MYCBP2: variants seen among roughly 807,000 people sequenced by gnomAD.
MYCBP2 encodes MYC binding protein 2.
A neutral mutation model predicts 525.3 loss-of-function variants in MYCBP2; 120 were observed. The observed-to-expected ratio is 0.23, with a 90% CI of 0.20 to 0.27. MYCBP2 has a LOEUF of 0.27. Ranked by LOEUF, MYCBP2 falls within the 10% of genes least tolerant of loss-of-function variation. MYCBP2 has a pLI of 1.00. For synonymous variants in MYCBP2, 1,894 were observed against 1,955.8 expected (o/e 0.97, Z 0.83); for missense variants, 4,149 against 5,657.1 (o/e 0.73, Z 8.55).
chr13:77,185,078 C>T (rs1280382133), intron 32 of MYCBP2, 25 bp downstream of exon 32: 5 of 1,601,456 alleles, frequency 3.1e-6, no homozygotes, highest in Non-Finnish European at 4.3e-6. Context: ...AGATTTTCAA[C>T]TAACATTTTA....
chr13:77,066,603 T>C (rs530066499), intron 71 of MYCBP2, among the ~76,000 whole-genome samples: 35 of 152,340 alleles, frequency 2.3e-4, no homozygotes, highest in African/African-American at 7.9e-4. Flanking sequence ...CTTGCATATA[T>C]ACCTTGGTGC....
At chr13:77,250,217 C>T (rs772561491) in intron 15 of MYCBP2, among the ~76,000 whole-genome samples, 5 of 107,438 alleles carry the variant, frequency 4.7e-5, no homozygotes, top group Non-Finnish European at 9.2e-5. Context: ...AGCGAGACTC[C>T]GTCTCAAAAA....
chr13:77,206,989 CTA>C (rs996105370), intron 23 of MYCBP2, among the ~76,000 whole-genome samples, 164 bp from the exon 24 acceptor site: 3 of 152,026 alleles, frequency 2.0e-5, no homozygotes, highest in African/African-American at 7.2e-5. Flanking sequence ...TATAAAAAAA[CTA>C]TATCACTAAA....
At chr13:77,156,351 G>A (rs1002209732) in intron 45 of MYCBP2, 149 bp from the exon 46 acceptor site, 10 of 696,230 alleles carry the variant, frequency 1.4e-5, no homozygotes, top group Middle Eastern at 4.2e-4. Context: ...ATAATCATGA[G>A]TGTCTCCCTC....
At chr13:77,222,144 T>C (rs1255190398) in intron 20 of MYCBP2, among the ~76,000 whole-genome samples, 1 of 152,200 alleles carries the variant, frequency 6.6e-6, no homozygotes, top group Non-Finnish European at 1.5e-5. Context: ...CTGTAATTAC[T>C]ACCCAGATTC....
At chr13:77,185,688 T>C (rs2060651200) in intron 31 of MYCBP2, among the ~76,000 whole-genome samples, 183 bp downstream of exon 31, 1 of 152,220 alleles carries the variant, frequency 6.6e-6, no homozygotes, top group Non-Finnish European at 1.5e-5. Flanking sequence ...CAGAATGACA[T>C]GTAATCTATT....
intron 66 of MYCBP2, among the ~76,000 whole-genome samples, chr13:77,078,606 T>C (rs760703103): frequency 1.3e-5 from 2 of 152,146 alleles, no homozygotes; most frequent in Non-Finnish European, 2.9e-5. Flanking sequence ...TAATTGCTCA[T>C]GACTGGGGAA....
At chr13:77,215,477 T>C (rs2064690959) in intron 21 of MYCBP2, among the ~76,000 whole-genome samples, 1 of 152,202 alleles carries the variant, frequency 6.6e-6, no homozygotes, top group African/African-American at 2.4e-5. Context: ...TATATTGATA[T>C]TGTTGAGAGG....
intron 1 of MYCBP2, among the ~76,000 whole-genome samples, chr13:77,324,334 C>T (rs1421400574): frequency 6.6e-6 from 1 of 152,190 alleles, no homozygotes; most frequent in Admixed American, 6.5e-5. Flanking sequence ...GAGCTTCATT[C>T]TCTATTATTG....
chr13:77,093,369 G>A (rs2045739140), intron 58 of MYCBP2, 37 bp from the exon 59 acceptor site: 6 of 1,577,778 alleles, frequency 3.8e-6, no homozygotes, highest in Non-Finnish European at 5.2e-6. Flanking sequence ...AAAGCATGAT[G>A]GCAATACAGA....
intron 46 of MYCBP2, among the ~76,000 whole-genome samples, chr13:77,153,442 C>T (rs2154196164): frequency 6.6e-6 from 1 of 152,354 alleles, no homozygotes; most frequent in South Asian, 2.1e-4. Flanking sequence ...GTCAAGGGAA[C>T]TCTCCTGTCT....
At chr13:77,077,543 G>T in intron 66 of MYCBP2, 156 bp from the exon 67 acceptor site, 1 of 840,318 alleles carries the variant, frequency 1.2e-6, no homozygotes, top group Non-Finnish European at 1.8e-6. Context: ...ATTTCAACCA[G>T]GTGAAGATAA....
At chr13:77,194,362 C>CA (rs1490134663) in intron 26 of MYCBP2, 118 bp from the exon 27 acceptor site, 4 of 671,660 alleles carry the variant, frequency 6.0e-6, no homozygotes, top group Non-Finnish European at 1.1e-5. Context: ...TGTAAAAAAT[C>CA]AGAGTACCTG....
chr13:77,262,917 C>T (rs1381894079), intron 10 of MYCBP2, among the ~76,000 whole-genome samples: 1 of 151,762 alleles, frequency 6.6e-6, no homozygotes, highest in Non-Finnish European at 1.5e-5. Context: ...GAAAGTAAAG[C>T]ACTAATGCCA....
At chr13:77,265,808 C>T (rs1465837874) in intron 8 of MYCBP2, among the ~76,000 whole-genome samples, 3 of 152,252 alleles carry the variant, frequency 2.0e-5, no homozygotes, top group East Asian at 1.9e-4. Context: ...TCTTCTGCCA[C>T]GTGATTTCAA....
In MYCBP2 at chr13:77,069,189, T is replaced by C. The variant is rs1168754412; in HGVS notation, c.11905-358A>G. Among the ~76,000 whole-genome samples the C allele has an allele frequency of 2.6e-5, 4 of 152,264 alleles. No homozygotes were observed. The South Asian group carries it at 6.2e-4, about 24-fold the overall frequency. On this transcript the variant is annotated intron_variant, in intron 69 of 82. Coordinates refer to ENST00000544440, the MANE Select transcript of MYCBP2 (RefSeq NM_015057.5). Reference sequence around the variant, plus strand: ...ACCATTATGTTCATAAGGTGCTTTATAGCTGATAAGATTCACAATACTGAA... The same window carrying C: ...ACCATTATGTTCATAAGGTGCTTTACAGCTGATAAGATTCACAATACTGAA...
chr13:77,078,287 A>C (rs1400297910), intron 66 of MYCBP2, among the ~76,000 whole-genome samples: 1 of 152,218 alleles, frequency 6.6e-6, no homozygotes, highest in Non-Finnish European at 1.5e-5. Context: ...GAGATAAAGT[A>C]GCCAGTGAGG....
At position 77,077,368 on chromosome 13, in the gene MYCBP2, T is replaced by C. The variant is rs1375681893; in HGVS notation, c.11504A>G (p.His3835Arg). Reference sequence around the variant, plus strand: ...AAGTTCACTTGTTACCCAGCCAATGTGCCTGGAATCCAGATCAACCTGGTT... The same window carrying C: ...AAGTTCACTTGTTACCCAGCCAATGCGCCTGGAATCCAGATCAACCTGGTT... The part of the protein sequence containing the change: ...RIKQVDLDSR[H>R]IGWVTSELPG... Residue 3835 changes from histidine to arginine, a missense_variant, in exon 67 of 83, where the codon CAC becomes CGC. Transcript: ENST00000544440. 4 of 1,613,928 alleles carry C rather than the reference T, an allele frequency of 2.5e-6. No individual in the cohort carries two copies. Among genetic ancestry groups the C allele is most frequent in the Non-Finnish European group, 3.4e-6 (4 of 1,179,924 alleles).
At chr13:77,297,437 T>C (rs1409611994) in intron 1 of MYCBP2, among the ~76,000 whole-genome samples, 2 of 151,986 alleles carry the variant, frequency 1.3e-5, no homozygotes, top group Non-Finnish European at 2.9e-5. Flanking sequence ...ATACTACTGC[T>C]GTAATAAAGA....
Sources: gnomAD v4.1 joint callset for allele counts (sites outside exome capture counted in the v4.1 genomes callset) on GRCh38, gnomAD v4.1.1 for gene constraint, MANE v1.5 for transcripts, NCBI Gene and HGNC (gene_info 2026-07-23, HGNC 2026-07-21) for gene names.